Variants in KCNH8 observed in about 807,000 individuals in gnomAD.
The protein encoded by KCNH8 is voltage-gated delayed rectifier potassium channel KCNH8.
A neutral mutation model predicts 103.6 loss-of-function variants in KCNH8; 70 were observed. That is an observed-to-expected ratio of 0.68 (90% CI 0.56 to 0.82). KCNH8 has a LOEUF of 0.82. Among genes scored for constraint, KCNH8 ranks in the 40% least tolerant of loss-of-function variants. The pLI is 0.00. For synonymous variants in KCNH8, 498 were observed against 489.4 expected, an observed-to-expected ratio of 1.02 and a Z score of -0.23; for missense variants, 1,217 against 1,329.9, an observed-to-expected ratio of 0.92 and a Z score of 1.32.
intron 7 of KCNH8, among the ~76,000 whole-genome samples, chr3:19,428,078 C>G (rs1172644539): frequency 2.0e-5 from 3 of 152,196 alleles, no homozygotes; most frequent in African/African-American, 7.2e-5. Flanking sequence ...GTCCTTCTCC[C>G]TAACAGATGT....
chr3:19,350,823 TCTC>T (rs2065790800), intron 5 of KCNH8, among the ~76,000 whole-genome samples: 1 of 152,080 alleles, frequency 6.6e-6, no homozygotes, highest in African/African-American at 2.4e-5. Flanking sequence ...GAGCACCTCT[TCTC>T]CTCCAAAGGA....
intron 15 of KCNH8, among the ~76,000 whole-genome samples, chr3:19,530,359 C>T (rs2069138857): frequency 6.6e-6 from 1 of 151,996 alleles, no homozygotes; most frequent in African/African-American, 2.4e-5. Flanking sequence ...TACTAATTAT[C>T]CTGATTTGAT....
intron 3 of KCNH8, among the ~76,000 whole-genome samples, chr3:19,308,641 A>G (rs2065160880): frequency 8.2e-6 from 1 of 122,492 alleles, no homozygotes; most frequent in Non-Finnish European, 1.7e-5. Flanking sequence ...AGACCCTGTG[A>G]ATGTTGGGGT....
At chr3:19,498,233 T>G (rs1005707530) in intron 11 of KCNH8, among the ~76,000 whole-genome samples, 1 of 152,216 alleles carries the variant, frequency 6.6e-6, no homozygotes, top group Admixed American at 6.5e-5. Context: ...TTTAGCGCAT[T>G]TACATTCCAA....
intron 3 of KCNH8, among the ~76,000 whole-genome samples, chr3:19,318,640 AGTGTGT>A (rs113809907): frequency 3.8e-5 from 5 of 131,344 alleles, no homozygotes; most frequent in East Asian, 2.2e-4. Context: ...TTACATGGTA[AGTGTGT>A]GTGTGTGTGT....
intron 1 of KCNH8, among the ~76,000 whole-genome samples, chr3:19,248,884 A>G (rs2064240526): frequency 6.6e-6 from 1 of 152,188 alleles, no homozygotes; most frequent in African/African-American, 2.4e-5. Flanking sequence ...ATATTAGGAG[A>G]TCAGACTCAG....
intron 3 of KCNH8, among the ~76,000 whole-genome samples, chr3:19,330,184 A>C (rs1353397707): frequency 6.6e-6 from 1 of 152,162 alleles, no homozygotes; most frequent in Non-Finnish European, 1.5e-5. Flanking sequence ...AAGCGTTCTC[A>C]GTCTAGAATT....
At chr3:19,396,778 G>T (rs534321528) in intron 7 of KCNH8, among the ~76,000 whole-genome samples, 1 of 152,042 alleles carries the variant, frequency 6.6e-6, no homozygotes, top group Admixed American at 6.6e-5. Flanking sequence ...TTGTCTTGAA[G>T]GCTTCCTCAT....
At chr3:19,418,943 A>T (rs1017753557) in intron 7 of KCNH8, among the ~76,000 whole-genome samples, 1 of 152,194 alleles carries the variant, frequency 6.6e-6, no homozygotes, top group Non-Finnish European at 1.5e-5. Context: ...TTTCCATAAC[A>T]GGGTTTTGGC....
chr3:19,363,652 G>T (rs184509099), intron 5 of KCNH8, among the ~76,000 whole-genome samples: 3 of 151,768 alleles, frequency 2.0e-5, no homozygotes, highest in African/African-American at 7.3e-5. Context: ...TAGTGCTCTT[G>T]TACCATTGAA....
At chr3:19,394,120 A>G (rs918533586) in intron 6 of KCNH8, among the ~76,000 whole-genome samples, 4 of 151,988 alleles carry the variant, frequency 2.6e-5, no homozygotes, top group Non-Finnish European at 5.9e-5. Context: ...GAGGTTAGTT[A>G]AAGCCATAAA....
At chr3:19,351,117 G>A (rs2065795831) in intron 5 of KCNH8, among the ~76,000 whole-genome samples, 1 of 152,048 alleles carries the variant, frequency 6.6e-6, no homozygotes, top group African/African-American at 2.4e-5. Context: ...ATTCGATCAA[G>A]TGGAAGAAGG....
At chr3:19,179,858 T>C (rs1393583066) in intron 1 of KCNH8, among the ~76,000 whole-genome samples, 1 of 152,114 alleles carries the variant, frequency 6.6e-6, no homozygotes, top group African/African-American at 2.4e-5. Context: ...GTGGTGGTTT[T>C]GCAGTAGAGT....
intron 3 of KCNH8, among the ~76,000 whole-genome samples, chr3:19,326,356 A>AATATATATATATATATAT (rs34714826): frequency 1.8e-3 from 247 of 135,688 alleles, no homozygotes; most frequent in African/African-American, 3.5e-3. Flanking sequence ...ATGAAAGTTA[A>AATATATATATATATATAT]ATATATATAT....
intron 8 of KCNH8, chr3:19,448,860 A>G (rs2067400964): frequency 3.8e-6 from 2 of 532,900 alleles, no homozygotes; most frequent in South Asian, 3.6e-5. Flanking sequence ...CAGGGATAAA[A>G]TCTGAATATT....
At chr3:19,293,038 G>A (rs529071880) in intron 3 of KCNH8, among the ~76,000 whole-genome samples, 10 of 152,242 alleles carry the variant, frequency 6.6e-5, no homozygotes, top group African/African-American at 2.2e-4. Context: ...AAAGAGTCTT[G>A]GAATGAGATT....
At chr3:19,533,289 T>C in intron 15 of KCNH8, 106 bp from the exon 16 acceptor site, 1 of 696,140 alleles carries the variant, frequency 1.4e-6, no homozygotes, top group South Asian at 2.0e-5. Context: ...TAAGTAGGAA[T>C]AAAAGAAAAC....
chr3:19,310,709 T>A (rs978726376), intron 3 of KCNH8, among the ~76,000 whole-genome samples: 1 of 151,840 alleles, frequency 6.6e-6, no homozygotes, highest in African/African-American at 2.4e-5. Context: ...AATCTATTTC[T>A]TAACAGAGTA....
chr3:19,513,362 G>A (rs761133719), intron 13 of KCNH8, 37 bp downstream of exon 13: 17 of 1,544,994 alleles, frequency 1.1e-5, no homozygotes, highest in Middle Eastern at 3.5e-4. Context: ...TCACGTGAAC[G>A]TGGCTGCCTT....
Sources: allele counts gnomAD v4.1 joint callset (sites outside exome capture counted in the v4.1 genomes callset), GRCh38; gene constraint gnomAD v4.1.1; transcripts MANE v1.5; gene names NCBI Gene and HGNC (gene_info 2026-07-23, HGNC 2026-07-21).